The following RAB11FIP2 variants were observed in gnomAD, a reference collection of about 807,000 sequenced individuals.
The protein encoded by RAB11FIP2 is RAB11 family interacting protein 2.
A neutral mutation model predicts 40.9 loss-of-function variants in RAB11FIP2; 16 were observed. That is an observed-to-expected ratio of 0.39 (90% CI 0.26 to 0.59). The LOEUF (loss-of-function observed/expected upper bound fraction) is 0.59, where lower values mean the gene tolerates loss of function less well. RAB11FIP2 is among the 20% of genes least tolerant of loss of function. RAB11FIP2 has a pLI of 0.53. For missense variants in RAB11FIP2, 532 were observed against 606.2 expected, an observed-to-expected ratio of 0.88 and a Z score of 1.28; for synonymous variants, 228 against 213.7, an observed-to-expected ratio of 1.07 and a Z score of -0.58.
At chr10:118,041,704 C>G (rs563188959) in intron 1 of RAB11FIP2, among the ~76,000 whole-genome samples, 1 of 152,190 alleles carries the variant, frequency 6.6e-6, no homozygotes, top group East Asian at 1.9e-4. Context: ...ACTGGATATG[C>G]CAAGAGAAGA....
chr10:118,043,349 T>C (rs892103633), intron 1 of RAB11FIP2: 6 of 152,144 alleles, frequency 3.9e-5, no homozygotes, highest in Admixed American at 2.0e-4. Context: ...CCTACTTCTA[T>C]TGTAAAAAAT....
intron 4 of RAB11FIP2, among the ~76,000 whole-genome samples, chr10:118,012,733 G>C (rs753626769): frequency 1.3e-4 from 19 of 151,938 alleles, no homozygotes; most frequent in Non-Finnish European, 2.2e-4. Flanking sequence ...AACTGGCAAA[G>C]ACCAAATGCA....
In RAB11FIP2 at chr10:118,039,437, C is replaced by T. The variant is rs1426332689; in HGVS notation, c.800G>A (p.Ser267Asn). 1 of 1,608,862 alleles carries T rather than the reference C, an allele frequency of 6.2e-7. No individual in the cohort carries two copies. The highest frequency in any genetic ancestry group is 2.2e-5 in the East Asian group (1 of 44,816). Residue 267 changes from serine to asparagine, a missense_variant, in exon 3 of 5, where the codon AGT (serine) becomes AAT (asparagine). Ser to Asn is a conservative substitution (Grantham distance 46, BLOSUM62 1). Transcript: ENST00000355624. ...DSFGTVPESGSLKSPHRRTLS... is the reference protein window; with the variant it reads ...DSFGTVPESGNLKSPHRRTLS... Reference sequence around the variant, plus strand: ...TGTTCTTCTGTGTGGAGATTTGAGACTTCCTACAAACAATTTTGTAGTTAG... The same window carrying T: ...TGTTCTTCTGTGTGGAGATTTGAGATTTCCTACAAACAATTTTGTAGTTAG...
intron 3 of RAB11FIP2, among the ~76,000 whole-genome samples, chr10:118,038,177 G>A (rs1165131345): frequency 6.6e-6 from 1 of 151,058 alleles, no homozygotes; most frequent in African/African-American, 2.4e-5. Flanking sequence ...CTATTTCATC[G>A]TTTACTTCTG....
At chr10:118,011,697 G>A (rs1846157495) in intron 4 of RAB11FIP2, among the ~76,000 whole-genome samples, 2 of 151,840 alleles carry the variant, frequency 1.3e-5, no homozygotes, top group Non-Finnish European at 2.9e-5. Context: ...AAAATTGTCT[G>A]GTATACCAAG....
intron 4 of RAB11FIP2, among the ~76,000 whole-genome samples, chr10:118,012,504 T>A (rs1846170386): frequency 6.6e-6 from 1 of 151,608 alleles, no homozygotes; most frequent in Non-Finnish European, 1.5e-5. Flanking sequence ...GGCATGAGAT[T>A]CTTAAATTGA....
At chr10:118,042,640 C>T (rs1362464567) in intron 1 of RAB11FIP2, among the ~76,000 whole-genome samples, 1 of 152,142 alleles carries the variant, frequency 6.6e-6, no homozygotes, top group Non-Finnish European at 1.5e-5. Context: ...GTCTGCCTTG[C>T]ATTAAATGTT....
intron 2 of RAB11FIP2, chr10:118,039,883 T>C: frequency 2.2e-6 from 1 of 447,996 alleles, no homozygotes; most frequent in East Asian, 3.5e-5. Context: ...AGCCAAGCCA[T>C]AAAAGGAAAC....
intron 3 of RAB11FIP2, among the ~76,000 whole-genome samples, chr10:118,025,377 C>T (rs984642687): frequency 9.9e-5 from 15 of 152,200 alleles, no homozygotes; most frequent in African/African-American, 3.4e-4. Flanking sequence ...TTAATATCTG[C>T]AAATTTCTTA....
chr10:118,022,805 G>C (rs1846296521), intron 3 of RAB11FIP2, among the ~76,000 whole-genome samples: 1 of 151,982 alleles, frequency 6.6e-6, no homozygotes, highest in Non-Finnish European at 1.5e-5. Flanking sequence ...CCTAACAAAA[G>C]TATGCTGAAT....
At chr10:118,043,763 T>C (rs1027108103) in intron 1 of RAB11FIP2, among the ~76,000 whole-genome samples, 1 of 152,218 alleles carries the variant, frequency 6.6e-6, no homozygotes, top group African/African-American at 2.4e-5. Context: ...CTTGGGAATA[T>C]GCTGAAAAAG....
At chr10:118,031,195 C>A (rs1413323098) in intron 3 of RAB11FIP2, among the ~76,000 whole-genome samples, 1 of 152,050 alleles carries the variant, frequency 6.6e-6, no homozygotes, top group East Asian at 1.9e-4. Flanking sequence ...TAAAACAAAT[C>A]CTTTGCATAT....
intron 3 of RAB11FIP2, among the ~76,000 whole-genome samples, chr10:118,033,718 T>C (rs1421926397): frequency 6.6e-6 from 1 of 152,130 alleles, no homozygotes; most frequent in Non-Finnish European, 1.5e-5. Flanking sequence ...CTTAGAACGT[T>C]AGAAAGAGGA....
In RAB11FIP2 at chr10:118,009,102, C is replaced by A; in HGVS notation, c.1435G>T (p.Asp479Tyr). Residue 479 changes from aspartate (D) to tyrosine (Y), a missense_variant, in exon 5 of 5, where the codon GAC becomes TAC. Transcript: ENST00000355624. ...RKDTHIRELE[D>Y]YIDNLLVRVM... is the part of the protein sequence containing the mutation. ...CTTACAAGGAGGTTGTCGATGTAGT[C>A]CTCGAGTTCCCGGATGTGGGTGTCT... The A allele has an allele frequency of 6.2e-7, 1 of 1,613,600 alleles. No individual in the cohort carries two copies. Among genetic ancestry groups the A allele is most frequent in the South Asian group, 1.1e-5 (1 of 91,072 alleles).
chr10:118,031,923 A>G (rs1385816939), intron 3 of RAB11FIP2, among the ~76,000 whole-genome samples: 1 of 152,058 alleles, frequency 6.6e-6, no homozygotes, highest in Non-Finnish European at 1.5e-5. Flanking sequence ...TCGGTCCCCA[A>G]ACAAAATTCT....
chr10:118,046,029 T>A lies in RAB11FIP2; in HGVS notation c.135A>T (p.Glu45Asp). 1 of 1,614,228 alleles carries A rather than the reference T, an allele frequency of 6.2e-7. No individual in the cohort carries two copies. Among genetic ancestry groups the A allele is most frequent in the Non-Finnish European group, 8.5e-7 (1 of 1,180,048 alleles). ...DTYTIIQLGK[E>D]KYSTSVAEKT... is the part of the protein sequence containing the mutation. ...TCTCAGCTACAGAGGTGGAGTACTT[T>A]TCCTTGCCCAGCTGAATTATAGTGT... The change falls in exon 1 of 5, where the codon GAA (glutamate) becomes GAT (aspartate). Residue 45 changes from glutamate to aspartate, a missense_variant. Transcript: ENST00000355624.
rs1386677309 is a variant in RAB11FIP2, at chr10:118,006,830, A to C, written c.*2168T>G. The C allele has an allele frequency of 6.6e-6, 1 of 152,246 alleles. No individual in the cohort carries two copies. Among genetic ancestry groups the C allele is most frequent in the Non-Finnish European group, 1.5e-5 (1 of 67,914 alleles). The allele number at this position is 152,246 out of a possible 1,614,324, so 9.4% of individuals were successfully genotyped here. ...TTATAACCAAATCACTCATGTATGAATAAAGCTAAGCCTCAATAGCTTTTA... is the reference window on the plus strand; with the variant it reads ...TTATAACCAAATCACTCATGTATGACTAAAGCTAAGCCTCAATAGCTTTTA... On this transcript the variant is annotated 3_prime_UTR_variant, in exon 5 of 5. Coordinates refer to ENST00000355624, the MANE Select transcript of RAB11FIP2 (RefSeq NM_014904.3).
rs1309041026 is a variant in RAB11FIP2 at position 118,008,661 on chromosome 10, A to C, written c.*337T>G. 4.5e-6 allele frequency: 1 copy of C among 220,818 alleles called. No homozygotes were observed. The highest frequency in any genetic ancestry group is 5.1e-5 in the Admixed American group (1 of 19,490). 13.7% of individuals were successfully genotyped at this position (220,818 alleles called of 1,614,324 possible). On this transcript the variant is annotated 3_prime_UTR_variant, in exon 5 of 5. Transcript: ENST00000355624. ...CAGGATCAATTCTGCTTTATGAAAAATCTATTCCTGAGGAACAACTCACGT... is the reference window on the plus strand; with the variant it reads ...CAGGATCAATTCTGCTTTATGAAAACTCTATTCCTGAGGAACAACTCACGT...
intron 2 of RAB11FIP2, chr10:118,039,893 C>T (rs1846532905): frequency 2.2e-6 from 1 of 460,290 alleles, no homozygotes; most frequent in East Asian, 3.4e-5. Flanking sequence ...TAAAAGGAAA[C>T]TGGCACTCAT....
Sources: gnomAD v4.1 joint callset for allele counts (sites outside exome capture counted in the v4.1 genomes callset) on GRCh38, gnomAD v4.1.1 for gene constraint, MANE v1.5 for transcripts, NCBI Gene and HGNC (gene_info 2026-07-23, HGNC 2026-07-21) for gene names.